ARID1B: variants seen among roughly 807,000 people sequenced by gnomAD.
ARID1B encodes AT-rich interaction domain 1B.
A neutral mutation model predicts 212.3 loss-of-function variants in ARID1B; 30 were observed. The ratio of observed to expected loss-of-function variants is 0.14; its 90% confidence interval spans 0.11 to 0.19. The LOEUF (loss-of-function observed/expected upper bound fraction) is 0.19. Ranked by LOEUF, ARID1B falls within the 10% of genes least tolerant of loss-of-function variation. ARID1B has a pLI of 1.00. For missense variants in ARID1B, 2,891 were observed against 3,204.0 expected (o/e 0.90, Z 2.36); for synonymous variants, 1,402 against 1,301.7 (o/e 1.08, Z -1.66).
At chr6:157,144,175 C>G (rs1216591289) in intron 7 of ARID1B, among the ~76,000 whole-genome samples, 2 of 152,190 alleles carry the variant, frequency 1.3e-5, no homozygotes. Flanking sequence ...CCTTTGTGTT[C>G]ATTAAGATAC....
intron 2 of ARID1B, among the ~76,000 whole-genome samples, chr6:156,848,773 C>T (rs761046564): frequency 3.3e-5 from 5 of 152,198 alleles, no homozygotes; most frequent in East Asian, 1.9e-4. Context: ...GGGGAGGTGC[C>T]GGGGGGCCTT....
intron 2 of ARID1B, among the ~76,000 whole-genome samples, chr6:156,884,181 T>G (rs1232223888): frequency 1.3e-5 from 2 of 152,238 alleles, no homozygotes; most frequent in Non-Finnish European, 2.9e-5. Context: ...GTCCTCTGTG[T>G]TCAAGGTTTT....
chr6:157,115,249 T>C (rs1440941615), intron 6 of ARID1B, among the ~76,000 whole-genome samples: 1 of 152,210 alleles, frequency 6.6e-6, no homozygotes, highest in Non-Finnish European at 1.5e-5. Flanking sequence ...ATTTTCTATG[T>C]ATAGAAGGTA....
chr6:156,960,181 G>A (rs1011739329), intron 4 of ARID1B, among the ~76,000 whole-genome samples: 11 of 151,868 alleles, frequency 7.2e-5, no homozygotes, highest in East Asian at 1.9e-4. Context: ...TGCCCACCTC[G>A]GCCTCCCACA....
chr6:157,110,385 T>G, intron 5 of ARID1B, 87 bp from the exon 6 acceptor site: 1 of 1,154,520 alleles, frequency 8.7e-7, no homozygotes, highest in Non-Finnish European at 1.3e-6. Flanking sequence ...TCATAAAAAT[T>G]AAATGTGGCT....
chr6:157,021,943 T>G (rs1364522051), intron 4 of ARID1B, among the ~76,000 whole-genome samples: 1 of 152,172 alleles, frequency 6.6e-6, no homozygotes, highest in Non-Finnish European at 1.5e-5. Flanking sequence ...CGCCCAGCGC[T>G]TAAGGTTTTA....
chr6:157,190,468 C>T lies in ARID1B; in HGVS notation c.4231+258C>T, dbSNP rs1793281105. Reference sequence around the variant, plus strand: ...CTCCCTGTTTCCGGATACCTGCCACCTCCTTACACGTGCCAAGTTACGTTC... The same window carrying T: ...CTCCCTGTTTCCGGATACCTGCCACTTCCTTACACGTGCCAAGTTACGTTC... On this transcript the variant is annotated intron_variant, in intron 15 of 19. Coordinates refer to ENST00000636930, the MANE Select transcript of ARID1B (RefSeq NM_001374828.1). The surrounding 1 kb of genome is among the most constrained non-coding windows in gnomAD (Gnocchi z 4.6). 6.6e-6 allele frequency among the ~76,000 whole-genome samples: 1 copy of T among 152,252 alleles called. No homozygotes were observed. The highest frequency in any genetic ancestry group is 1.5e-5 in the Non-Finnish European group (1 of 68,048).
At chr6:156,964,644 AAG>A (rs1433108640) in intron 4 of ARID1B, among the ~76,000 whole-genome samples, 1 of 152,252 alleles carries the variant, frequency 6.6e-6, no homozygotes, top group Non-Finnish European at 1.5e-5. Context: ...TTTTACAAAA[AAG>A]AATATAGATT....
chr6:156,941,757 G>T (rs1265018652), intron 4 of ARID1B: 1 of 152,114 alleles, frequency 6.6e-6, no homozygotes, highest in Non-Finnish European at 1.5e-5. Flanking sequence ...TTCTGTAAAT[G>T]AAAATTCAAT....
At chr6:156,968,051 C>T (rs1338179741) in intron 4 of ARID1B, among the ~76,000 whole-genome samples, 3 of 152,204 alleles carry the variant, frequency 2.0e-5, no homozygotes, top group Admixed American at 6.5e-5. Flanking sequence ...TTCCCGGTCC[C>T]TGTCTGCAGT....
chr6:156,823,689 T>TG (rs1554256002), intron 1 of ARID1B, among the ~76,000 whole-genome samples: 4 of 34,128 alleles, frequency 1.2e-4, no homozygotes, highest in Non-Finnish European at 2.9e-4. Flanking sequence ...TTCTTTGTTG[T>TG]TTTTTTTTTT....
intron 2 of ARID1B, among the ~76,000 whole-genome samples, chr6:156,859,262 C>T (rs1289879377): frequency 1.1e-4 from 16 of 152,048 alleles, no homozygotes; most frequent in South Asian, 1.0e-3. Flanking sequence ...TACAGGTGCC[C>T]GCCACCACGT....
chr6:157,070,994 G>A (rs1783974868), intron 4 of ARID1B, among the ~76,000 whole-genome samples: 1 of 152,180 alleles, frequency 6.6e-6, no homozygotes, highest in Non-Finnish European at 1.5e-5. Flanking sequence ...CCACAAACTG[G>A]CACTCGTGCA....
At chr6:157,096,114 T>A (rs552708978) in intron 5 of ARID1B, among the ~76,000 whole-genome samples, 68 of 151,970 alleles carry the variant, frequency 4.5e-4, no homozygotes, top group Non-Finnish European at 6.0e-4. Context: ...CTCCTTACCC[T>A]TCAAGACCCC....
At chr6:157,014,950 G>A (rs1294063021) in intron 4 of ARID1B, among the ~76,000 whole-genome samples, 2 of 151,772 alleles carry the variant, frequency 1.3e-5, no homozygotes, top group South Asian at 2.1e-4. Context: ...GCAGGCTAAA[G>A]TAAAAAACAA....
At chr6:156,838,464 C>T (rs1783658353) in intron 2 of ARID1B, among the ~76,000 whole-genome samples, 1 of 152,110 alleles carries the variant, frequency 6.6e-6, no homozygotes, top group Non-Finnish European at 1.5e-5. Flanking sequence ...GAAAAGACAG[C>T]TGTGCAGGGA....
chr6:156,796,490 G>GTATC (rs1271538498), intron 1 of ARID1B, among the ~76,000 whole-genome samples: 1 of 151,546 alleles, frequency 6.6e-6, no homozygotes, highest in Non-Finnish European at 1.5e-5. Context: ...ATGATGAAAG[G>GTATC]TATCTTTTGC....
At chr6:157,004,696 C>T (rs781027258) in intron 4 of ARID1B, among the ~76,000 whole-genome samples, 52 of 152,160 alleles carry the variant, frequency 3.4e-4, no homozygotes, top group East Asian at 1.2e-3. Flanking sequence ...TCACCACTTG[C>T]GCTTCCCTTG....
chr6:157,156,281 A>G (rs1247814956), intron 8 of ARID1B, among the ~76,000 whole-genome samples: 1 of 152,236 alleles, frequency 6.6e-6, no homozygotes, highest in Non-Finnish European at 1.5e-5. Flanking sequence ...AAGAGAAAAG[A>G]TTTCAAAGCC....
Sources: gnomAD v4.1 joint callset for allele counts (sites outside exome capture counted in the v4.1 genomes callset) on GRCh38, gnomAD v4.1.1 for gene constraint, Gnocchi (gnomAD v3.1) non-coding constraint, MANE v1.5 for transcripts, NCBI Gene and HGNC (gene_info 2026-07-23, HGNC 2026-07-21) for gene names.